The following RTF1 variants were observed in gnomAD, a reference collection of about 807,000 sequenced individuals.
RTF1 encodes the protein RNA polymerase-associated protein RTF1 homolog.
Under a neutral mutation model 95.7 loss-of-function variants are expected in RTF1, and 10 were observed. The observed-to-expected ratio is 0.10, with a 90% confidence interval of 0.06 to 0.18. The LOEUF (loss-of-function observed/expected upper bound fraction) is 0.18, where lower values mean the gene tolerates loss of function less well. Ranked by LOEUF, RTF1 falls within the 10% of genes least tolerant of loss-of-function variation. The pLI is 1.00. For synonymous variants in RTF1, 305 were observed against 311.8 expected, an observed-to-expected ratio of 0.98 and a Z score of 0.23; for missense variants, 458 against 875.6, an observed-to-expected ratio of 0.52 and a Z score of 6.02.
intron 2 of RTF1, among the ~76,000 whole-genome samples, chr15:41,442,603 G>C: frequency 6.6e-6 from 1 of 152,060 alleles, no homozygotes; most frequent in Admixed American, 6.6e-5. Flanking sequence ...GGCAATTCTC[G>C]GGCCAGGCAT....
At chr15:41,452,785 T>C in intron 2 of RTF1, 116 bp from the exon 3 acceptor site, 1 of 772,712 alleles carries the variant, frequency 1.3e-6, no homozygotes, top group Non-Finnish European at 1.9e-6. Flanking sequence ...ATATGAAGTG[T>C]ATTTGTTTTG....
chr15:41,480,844 T>C lies in RTF1; in HGVS notation c.*157T>C. ...TCTGTAATATAAACCATTTGCTGTA[T>C]AGACCTCCTTTGTCTGCACACCATC... is the stretch of plus-strand genomic sequence containing the variant. On this transcript the variant is annotated 3_prime_UTR_variant, in exon 18 of 18. Coordinates refer to ENST00000389629, the MANE Select transcript of RTF1 (RefSeq NM_015138.5). 1.6e-6 allele frequency: 1 copy of C among 628,810 alleles called. No individual in the cohort carries two copies. Among genetic ancestry groups the C allele is most frequent in the Admixed American group, 2.6e-5 (1 of 38,344 alleles). 39.0% of individuals were successfully genotyped at this position (628,810 alleles called of 1,614,324 possible).
intron 1 of RTF1, among the ~76,000 whole-genome samples, chr15:41,430,504 G>A (rs2140947754): frequency 6.6e-6 from 1 of 152,080 alleles, no homozygotes; most frequent in Non-Finnish European, 1.5e-5. Context: ...CTTTGGGAGG[G>A]TGAGGCAGGT....
intron 1 of RTF1, among the ~76,000 whole-genome samples, chr15:41,434,805 T>C (rs1470660512): frequency 1.3e-5 from 2 of 151,686 alleles, no homozygotes; most frequent in African/African-American, 2.4e-5. Context: ...TTTTTTGTAT[T>C]TTTAGTAGAG....
chr15:41,442,845 C>T (rs2050742565), intron 2 of RTF1, among the ~76,000 whole-genome samples: 1 of 152,098 alleles, frequency 6.6e-6, no homozygotes, highest in Non-Finnish European at 1.5e-5. Context: ...GAGAACGCTC[C>T]ACTATATTCC....
chr15:41,417,099 GGCGGA>G lies in RTF1; in HGVS notation c.-8_-4del. 8.1e-7 allele frequency: 1 copy of G among 1,232,574 alleles called. No individual in the cohort carries two copies. Among genetic ancestry groups the G allele is most frequent in the Non-Finnish European group, 1.0e-6 (1 of 985,044 alleles). The allele number at this position is 1,232,574 out of a possible 1,614,324, so 76.4% of individuals were successfully genotyped here. ...GGCGAGCAGGGGGCGGGGCCAGGGG[GGCGGA>G]GCGGAGCGCGCATGCGCGGTCGCCT... On this transcript the variant is annotated 5_prime_UTR_variant, in exon 1 of 18. Coordinates refer to ENST00000389629, the MANE Select transcript of RTF1 (RefSeq NM_015138.5).
At chr15:41,452,031 GA>G (rs888450571) in intron 2 of RTF1, among the ~76,000 whole-genome samples, 6 of 144,312 alleles carry the variant, frequency 4.2e-5, no homozygotes, top group East Asian at 2.0e-4. Flanking sequence ...GAACCTGTCT[GA>G]AAAAAAAAAG....
rs2050984979 is a variant in RTF1, at chr15:41,482,849, T to C, written c.*2162T>C. ...TTTTGATTTCTGGTTTTAAAAAACA[T>C]AAAATTATAGAATCCAGATAATTCG... On this transcript the variant is annotated 3_prime_UTR_variant, in exon 18 of 18. Transcript: ENST00000389629. 1 of 152,294 alleles carries C rather than the reference T, an allele frequency of 6.6e-6. No individual in the cohort carries two copies. The highest frequency in any genetic ancestry group is 2.1e-4 in the South Asian group (1 of 4,824). 9.4% of individuals were successfully genotyped at this position (152,294 alleles called of 1,614,324 possible).
intron 4 of RTF1, among the ~76,000 whole-genome samples, chr15:41,460,870 C>T (rs1464616993): frequency 1.4e-5 from 2 of 147,174 alleles, no homozygotes; most frequent in South Asian, 2.2e-4. Flanking sequence ...AATATTTTTT[C>T]TTTTTTTTCT....
chr15:41,426,394 C>G (rs1209211084), intron 1 of RTF1, among the ~76,000 whole-genome samples: 1 of 151,572 alleles, frequency 6.6e-6, no homozygotes, highest in Non-Finnish European at 1.5e-5. Context: ...CAACCTCCCC[C>G]TCCTGGATTC....
chr15:41,467,653 T>G (rs572795687), intron 6 of RTF1, among the ~76,000 whole-genome samples: 1 of 152,068 alleles, frequency 6.6e-6, no homozygotes, highest in African/African-American at 2.4e-5. Flanking sequence ...AGACGGAGGT[T>G]GCAGTGAGCT....
rs7171744 is a variant in RTF1, at chr15:41,480,425, G to A, written c.2026+100G>A. On this transcript the variant is annotated intron_variant, in intron 17 of 17. Coordinates refer to ENST00000389629, the MANE Select transcript of RTF1 (RefSeq NM_015138.5). Reference sequence around the variant, plus strand: ...CCACTTTTAGGGAAGAAAGGGGAATGCTGGCTCATCAGCATCCACAGGCCA... The same window carrying A: ...CCACTTTTAGGGAAGAAAGGGGAATACTGGCTCATCAGCATCCACAGGCCA... The A allele has an allele frequency of 4.5e-3, 4,549 of 1,015,880 alleles. 148 individuals carry two copies. The African/African-American group carries it at 0.064, about 14-fold the overall frequency. The allele number at this position is 1,015,880 out of a possible 1,614,324, so 62.9% of individuals were successfully genotyped here.
rs2050871915 is a variant in RTF1 at position 41,464,820 on chromosome 15, GAAA to G, written c.714_716del (p.Lys242del). 5.8e-6 allele frequency: 9 copies of G among 1,561,446 alleles called. No homozygotes were observed. Among genetic ancestry groups the G allele is most frequent in the Non-Finnish European group, 7.8e-6 (9 of 1,154,772 alleles). On this transcript the variant is annotated inframe_deletion, in exon 5 of 18. Transcript: ENST00000389629. ...AACAGCCAAAAAGAAAGAAAAGAAAGAAAAGAAGAAAAAGCAAGAAGAGGAGCA... is the reference window on the plus strand; with the variant it reads ...AACAGCCAAAAAGAAAGAAAAGAAAGAGAAGAAAAAGCAAGAAGAGGAGCA...
chr15:41,462,683 A>G (rs1469686443), intron 4 of RTF1, among the ~76,000 whole-genome samples: 1 of 152,086 alleles, frequency 6.6e-6, no homozygotes, highest in Non-Finnish European at 1.5e-5. Flanking sequence ...TTTCCCCATA[A>G]GCCTCCCAGC....
At chr15:41,472,765 G>A (rs758464744) in intron 8 of RTF1, among the ~76,000 whole-genome samples, 3 of 150,532 alleles carry the variant, frequency 2.0e-5, no homozygotes, top group East Asian at 4.0e-4. Context: ...TCAGTGGCAC[G>A]ATCTCGGCTC....
At chr15:41,462,177 A>G (rs763288211) in intron 4 of RTF1, among the ~76,000 whole-genome samples, 1 of 152,158 alleles carries the variant, frequency 6.6e-6, no homozygotes, top group Non-Finnish European at 1.5e-5. Context: ...AGGGCAGTGC[A>G]ATATGGAAAC....
chr15:41,452,619 A>G (rs1323910343), intron 2 of RTF1, among the ~76,000 whole-genome samples: 1 of 152,116 alleles, frequency 6.6e-6, no homozygotes, highest in Non-Finnish European at 1.5e-5. Context: ...CTGTAGTCCC[A>G]ACTACTCCAG....
chr15:41,471,917 G>A (rs2050913660), intron 8 of RTF1, among the ~76,000 whole-genome samples: 1 of 150,700 alleles, frequency 6.6e-6, no homozygotes, highest in Non-Finnish European at 1.5e-5. Flanking sequence ...TTTATTTTTT[G>A]AGACGGAGTC....
At chr15:41,446,866 G>A (rs975501764) in intron 2 of RTF1, among the ~76,000 whole-genome samples, 1 of 150,124 alleles carries the variant, frequency 6.7e-6, no homozygotes, top group Non-Finnish European at 1.5e-5. Flanking sequence ...GCAATGGCAC[G>A]ATCTTGGCTT....
Sources: gnomAD v4.1 joint callset for allele counts (sites outside exome capture counted in the v4.1 genomes callset) on GRCh38, gnomAD v4.1.1 for gene constraint, MANE v1.5 for transcripts, NCBI Gene and HGNC (gene_info 2026-07-23, HGNC 2026-07-21) for gene names.